ZSWIM5: variants seen among roughly 807,000 people sequenced by gnomAD.
The protein encoded by ZSWIM5 is zinc finger SWIM-type containing 5.
A neutral mutation model predicts 119.6 loss-of-function variants in ZSWIM5; 55 were observed. The observed-to-expected ratio is 0.46, with a 90% CI of 0.37 to 0.58. ZSWIM5 has a LOEUF of 0.58. Ranked by LOEUF, ZSWIM5 falls within the 20% of genes least tolerant of loss-of-function variation. The pLI is 0.00. For missense variants in ZSWIM5, 1,193 were observed against 1,512.8 expected (o/e 0.79, Z 3.51); for synonymous variants, 537 against 606.9 (o/e 0.88, Z 1.69).
chr1:45,056,565 T>C (rs1308450252), intron 4 of ZSWIM5, among the ~76,000 whole-genome samples: 3 of 149,728 alleles, frequency 2.0e-5, no homozygotes, highest in Admixed American at 6.7e-5. Flanking sequence ...CTGCCAAGAC[T>C]GCGCCACTGC....
At chr1:45,137,991 C>T (rs1353297082) in intron 1 of ZSWIM5, among the ~76,000 whole-genome samples, 2 of 152,166 alleles carry the variant, frequency 1.3e-5, no homozygotes, top group East Asian at 3.9e-4. Context: ...AGGGTGATAA[C>T]GGTGGAAAGG....
intron 8 of ZSWIM5, among the ~76,000 whole-genome samples, 182 bp from the exon 9 acceptor site, chr1:45,036,481 A>C (rs1279092186): frequency 6.6e-6 from 1 of 151,530 alleles, no homozygotes; most frequent in African/African-American, 2.4e-5. Flanking sequence ...CAGCCTCCCA[A>C]GTAGCTGGGA....
At chr1:45,131,254 G>C (rs1645654760) in intron 1 of ZSWIM5, among the ~76,000 whole-genome samples, 3 of 151,788 alleles carry the variant, frequency 2.0e-5, no homozygotes, top group Non-Finnish European at 2.9e-5. Context: ...TTAGGTAAAG[G>C]GCATTTGGGA....
chr1:45,108,488 G>A (rs1001865285), intron 1 of ZSWIM5, among the ~76,000 whole-genome samples: 1 of 152,116 alleles, frequency 6.6e-6, no homozygotes. Flanking sequence ...TTATTTTAAA[G>A]TATTAAAAAA....
intron 1 of ZSWIM5, among the ~76,000 whole-genome samples, chr1:45,162,374 G>C (rs1260821144): frequency 6.6e-6 from 1 of 152,158 alleles, no homozygotes; most frequent in Non-Finnish European, 1.5e-5. Context: ...TGGCCGAATA[G>C]GAACAGCTCC....
At chr1:45,133,573 T>C (rs1645671961) in intron 1 of ZSWIM5, among the ~76,000 whole-genome samples, 1 of 152,242 alleles carries the variant, frequency 6.6e-6, no homozygotes, top group Non-Finnish European at 1.5e-5. Context: ...CTGTTCACTC[T>C]GATGGTAGTT....
intron 1 of ZSWIM5, among the ~76,000 whole-genome samples, chr1:45,131,151 G>A (rs1645654173): frequency 6.6e-6 from 1 of 152,184 alleles, no homozygotes; most frequent in South Asian, 2.1e-4. Flanking sequence ...GATTCTCGTG[G>A]TGATGTAAAC....
At chr1:45,150,208 AAAG>A (rs1163968671) in intron 1 of ZSWIM5, among the ~76,000 whole-genome samples, 1 of 151,778 alleles carries the variant, frequency 6.6e-6, no homozygotes, top group African/African-American at 2.4e-5. Context: ...GAAAAGAAAA[AAAG>A]AAGATACATG....
chr1:45,189,649 G>C lies in ZSWIM5; in HGVS notation c.595+16107C>G, dbSNP rs572303781. On this transcript the variant is annotated intron_variant, in intron 1 of 13. Transcript: ENST00000359600. ...CGTGCACCTGCAGTCCCAGCCACTC[G>C]GGAGGCTGAGGTGAGGGAATTACCT... Among the ~76,000 whole-genome samples, 57 of 152,102 alleles carry C rather than the reference G, an allele frequency of 3.7e-4. 1 individual carries two copies. Among genetic ancestry groups the C allele is most frequent in the Admixed American group, 2.0e-4 (3 of 15,268 alleles).
In ZSWIM5 at chr1:45,020,670, A is replaced by G; in HGVS notation, c.2568T>C (p.Ser856=). 1 of 1,614,150 alleles carries G rather than the reference A, an allele frequency of 6.2e-7. No individual in the cohort carries two copies. The highest frequency in any genetic ancestry group is 8.5e-7 in the Non-Finnish European group (1 of 1,180,008). Residue 856 remains serine (S), a synonymous_variant, in exon 12 of 14, where the codon AGT becomes AGC. Transcript: ENST00000359600. ...AFKIATPTDS[S]TDSTLLNVAL... is the part of the protein sequence containing the mutation. ...CAACGTTGAGCAGGGTGCTGTCAGT[A>G]CTACTGTCGGTGGGAGTAGCAATCT...
chr1:45,043,846 T>C (rs2148994376), intron 5 of ZSWIM5, among the ~76,000 whole-genome samples: 1 of 152,264 alleles, frequency 6.6e-6, no homozygotes, highest in African/African-American at 2.4e-5. Flanking sequence ...TCATACTAAC[T>C]TTCCCTTATC....
Position 45,105,597 on chromosome 1 carries a change from C to A in ZSWIM5, c.596-17360G>T, listed in dbSNP as rs373026965. 8.6e-5 allele frequency among the ~76,000 whole-genome samples: 13 copies of A among 150,644 alleles called. No homozygotes were observed. In the South Asian group the frequency reaches 2.7e-3, roughly 32 times the overall value. On this transcript the variant is annotated intron_variant, in intron 1 of 13. Coordinates refer to ENST00000359600, the MANE Select transcript of ZSWIM5 (RefSeq NM_020883.2). ...AGTGAGGAGTGCCTCTGCCTGGCCG[C>A]CCCCTCTGGGAAGTGAGGAGCGCCT... is the stretch of plus-strand genomic sequence containing the variant.
At chr1:45,168,863 C>T (rs1645927399) in intron 1 of ZSWIM5, among the ~76,000 whole-genome samples, 3 of 151,970 alleles carry the variant, frequency 2.0e-5, no homozygotes, top group Admixed American at 2.0e-4. Flanking sequence ...GAGGAAAGGA[C>T]ATCTAGGTAA....
chr1:45,134,278 A>G (rs1202605379), intron 1 of ZSWIM5, among the ~76,000 whole-genome samples: 3 of 152,170 alleles, frequency 2.0e-5, no homozygotes, highest in South Asian at 2.1e-4. Flanking sequence ...AAACTAGTGA[A>G]AATAAAAGTA....
chr1:45,171,726 G>C (rs1478169642), intron 1 of ZSWIM5, among the ~76,000 whole-genome samples: 1 of 152,040 alleles, frequency 6.6e-6, no homozygotes, highest in Non-Finnish European at 1.5e-5. Flanking sequence ...AAAAAATTCT[G>C]AGGGAATACT....
chr1:45,134,423 G>T (rs1645677326), intron 1 of ZSWIM5, among the ~76,000 whole-genome samples: 1 of 152,128 alleles, frequency 6.6e-6, no homozygotes. Flanking sequence ...GGAAAAAGAT[G>T]AGTCCTTTAA....
intron 11 of ZSWIM5, among the ~76,000 whole-genome samples, chr1:45,022,793 G>A (rs1557738673): frequency 6.6e-6 from 1 of 152,196 alleles, no homozygotes; most frequent in Non-Finnish European, 1.5e-5. Context: ...ACCAAAATCT[G>A]AGGATGCTCA....
rs143926522 is a variant in ZSWIM5, at chr1:45,069,455, A to C, written c.953-9208T>G. Reference sequence around the variant, plus strand: ...AAAAAAAAAAAGAAATTCACGTTTCATTCTAGAAAATTTTGTTCAATTATT... The same window carrying C: ...AAAAAAAAAAAGAAATTCACGTTTCCTTCTAGAAAATTTTGTTCAATTATT... On this transcript the variant is annotated intron_variant, in intron 2 of 13. Transcript: ENST00000359600. 6.7e-3 allele frequency among the ~76,000 whole-genome samples: 1,021 copies of C among 151,988 alleles called. 12 individuals carry two copies. The highest frequency in any genetic ancestry group is 0.023 in the African/African-American group (967 of 41,448).
intron 4 of ZSWIM5, among the ~76,000 whole-genome samples, chr1:45,055,786 A>G (rs945711230): frequency 2.6e-5 from 4 of 152,252 alleles, no homozygotes; most frequent in African/African-American, 7.2e-5. Context: ...CACCAGGAAC[A>G]CAGTGGGGAA....
Sources: allele counts gnomAD v4.1 joint callset (sites outside exome capture counted in the v4.1 genomes callset), GRCh38; gene constraint gnomAD v4.1.1; transcripts MANE v1.5; gene names NCBI Gene and HGNC (gene_info 2026-07-23, HGNC 2026-07-21).